Variants in LIPC observed in about 807,000 individuals in gnomAD.
LIPC encodes the protein hepatic triacylglycerol lipase.
A neutral mutation model predicts 50.7 loss-of-function variants in LIPC; 44 were observed. That is an observed-to-expected ratio of 0.87 (90% CI 0.68 to 1.11). The LOEUF is 1.11. LIPC is among the 50% of genes most tolerant of loss of function. The pLI is 0.00. For missense variants in LIPC, 697 were observed against 648.2 expected (o/e 1.08, Z -0.82); for synonymous variants, 271 against 256.4 (o/e 1.06, Z -0.54).
At chr15:58,494,672 A>G (rs1201081301) in intron 1 of LIPC, 4 of 438,416 alleles carry the variant, frequency 9.1e-6, no homozygotes, top group African/African-American at 8.1e-5. Flanking sequence ...TATATTTCAC[A>G]TTGCCAATAC....
chr15:58,563,412 T>C (rs1894235694), intron 7 of LIPC, 93 bp from the exon 8 acceptor site: 2 of 1,084,144 alleles, frequency 1.8e-6, no homozygotes, highest in Non-Finnish European at 2.8e-6. Flanking sequence ...TCCCAAGTCA[T>C]TCAGGGAAAC....
At chr15:58,527,873 G>A (rs61583131) in intron 1 of LIPC, among the ~76,000 whole-genome samples, 4,036 of 152,210 alleles carry the variant, frequency 0.027, 184 homozygotes, top group African/African-American at 0.09. Context: ...CCTCTCAGCC[G>A]CAGGTCCGCA....
At position 58,438,307 on chromosome 15, in the gene LIPC, C is replaced by T. The variant is rs531788882; in HGVS notation, c.88+6187C>T. Among the ~76,000 whole-genome samples, 3 of 152,234 alleles carry T rather than the reference C, an allele frequency of 2.0e-5. No homozygotes were observed. The East Asian group carries it at 5.8e-4, about 30-fold the overall frequency. On this transcript the variant is annotated intron_variant, in intron 1 of 8. Transcript: ENST00000299022. ...TCATCATGAGGGGAATGCAACCACC[C>T]AGGCCTCAGCCTGGGTGTCCCTGAC...
At chr15:58,526,951 C>G (rs532451281) in intron 1 of LIPC, among the ~76,000 whole-genome samples, 4 of 152,276 alleles carry the variant, frequency 2.6e-5, no homozygotes, top group South Asian at 4.1e-4. Flanking sequence ...CTGACTGGCT[C>G]CAAAGCCAGT....
At chr15:58,432,194 G>T (rs550891944) in intron 1 of LIPC, 74 bp downstream of exon 1, 3 of 1,132,666 alleles carry the variant, frequency 2.6e-6, no homozygotes, top group East Asian at 4.7e-5. Context: ...AGAATCCAGG[G>T]GTTTCTGACT....
At chr15:58,456,778 CCT>C (rs1894134075) in intron 1 of LIPC, among the ~76,000 whole-genome samples, 1 of 152,236 alleles carries the variant, frequency 6.6e-6, no homozygotes, top group African/African-American at 2.4e-5. Context: ...AACGAGAGGT[CCT>C]CTGTCTTTTT....
intron 1 of LIPC, among the ~76,000 whole-genome samples, chr15:58,434,302 T>C (rs1245924969): frequency 6.6e-6 from 1 of 152,194 alleles, no homozygotes; most frequent in Non-Finnish European, 1.5e-5. Flanking sequence ...CCTTCCTCTT[T>C]AGCCCCTCCT....
At chr15:58,509,555 A>T (rs4775063) in intron 1 of LIPC, among the ~76,000 whole-genome samples, 111,946 of 152,100 alleles carry the variant, frequency 0.74, 41,281 homozygotes, top group Middle Eastern at 0.82. Flanking sequence ...AATAAATATA[A>T]TTTTCTATTT....
chr15:58,536,370 G>A (rs149060323), intron 1 of LIPC, among the ~76,000 whole-genome samples: 4 of 152,254 alleles, frequency 2.6e-5, no homozygotes, highest in African/African-American at 9.6e-5. Flanking sequence ...GAAGCTGAAA[G>A]TCACTAACAG....
rs190337604 is a variant in LIPC at position 58,467,329 on chromosome 15, C to T, written c.88+35209C>T. On this transcript the variant is annotated intron_variant, in intron 1 of 8. Transcript: ENST00000299022. Reference sequence around the variant, plus strand: ...TCCTGCTTGTGGAGCAGAACCTTTGCTTGCGGGCTCCTTGTGTCTGTGAGC... The same window carrying T: ...TCCTGCTTGTGGAGCAGAACCTTTGTTTGCGGGCTCCTTGTGTCTGTGAGC... 1.4e-3 allele frequency among the ~76,000 whole-genome samples: 210 copies of T among 152,302 alleles called. 1 individual carries two copies. The highest frequency in any genetic ancestry group is 2.8e-4 in the Non-Finnish European group (19 of 68,032).
At chr15:58,477,560 G>A (rs1891042231) in intron 1 of LIPC, among the ~76,000 whole-genome samples, 1 of 152,152 alleles carries the variant, frequency 6.6e-6, no homozygotes, top group African/African-American at 2.4e-5. Context: ...ACAACACAGA[G>A]GAAAATGAAA....
chr15:58,566,025 T>C, intron 8 of LIPC: 3 of 985,078 alleles, frequency 3.0e-6, no homozygotes, highest in Non-Finnish European at 3.6e-6. Context: ...ATCCCAGGGC[T>C]TCTCAAACTT....
At chr15:58,495,788 T>C (rs1048425631) in intron 1 of LIPC, among the ~76,000 whole-genome samples, 6 of 152,220 alleles carry the variant, frequency 3.9e-5, no homozygotes, top group Non-Finnish European at 7.3e-5. Flanking sequence ...GCCCTGTTTA[T>C]TTTACACACA....
chr15:58,565,085 G>A (rs1171154639), intron 8 of LIPC: 2 of 1,009,246 alleles, frequency 2.0e-6, no homozygotes, highest in East Asian at 2.6e-5. Flanking sequence ...GTATGCCCCT[G>A]AGTCCCTTTA....
rs1008093318 is a variant in LIPC, at chr15:58,557,543, C to T, written c.1052-3321C>T. The stretch of plus-strand genomic sequence containing the variant: ...GAGACTACAGGCACCCACCACCACG[C>T]CCCGCTAATTTTTTGTATTTTTAGT... On this transcript the variant is annotated intron_variant, in intron 6 of 8. Coordinates refer to ENST00000299022, the MANE Select transcript of LIPC (RefSeq NM_000236.3). Among the ~76,000 whole-genome samples, 8 of 151,988 alleles carry T rather than the reference C, an allele frequency of 5.3e-5. 1 individual carries two copies. The highest frequency in any genetic ancestry group is 4.6e-4 in the Admixed American group (7 of 15,258).
intron 1 of LIPC, among the ~76,000 whole-genome samples, chr15:58,469,974 C>T (rs1359686740): frequency 6.7e-6 from 1 of 148,866 alleles, no homozygotes; most frequent in Admixed American, 6.8e-5. Flanking sequence ...CCTTTATCAC[C>T]CAAACTGGAG....
At chr15:58,534,580 A>T (rs1244157142) in intron 1 of LIPC, among the ~76,000 whole-genome samples, 1 of 152,196 alleles carries the variant, frequency 6.6e-6, no homozygotes, top group Non-Finnish European at 1.5e-5. Context: ...CTCAGAGTTA[A>T]CCACATAAAA....
chr15:58,507,924 C>T (rs1310748751), intron 1 of LIPC, among the ~76,000 whole-genome samples: 1 of 152,138 alleles, frequency 6.6e-6, no homozygotes, highest in East Asian at 1.9e-4. Context: ...ACTTGGGGAA[C>T]TTACAATGGC....
chr15:58,504,885 C>T (rs1293937046), intron 1 of LIPC, among the ~76,000 whole-genome samples: 1 of 152,166 alleles, frequency 6.6e-6, no homozygotes, highest in Non-Finnish European at 1.5e-5. Context: ...TTTTACATGG[C>T]CTGCCATGCT....
Sources: allele counts gnomAD v4.1 joint callset (sites outside exome capture counted in the v4.1 genomes callset), GRCh38; gene constraint gnomAD v4.1.1; transcripts MANE v1.5; gene names NCBI Gene and HGNC (gene_info 2026-07-23, HGNC 2026-07-21).